Variants in OTOA observed in about 807,000 individuals in gnomAD.
The protein encoded by OTOA is cancer/testis antigen 108.
Under a neutral mutation model 110.8 loss-of-function variants are expected in OTOA, and 70 were observed. The ratio of observed to expected loss-of-function variants is 0.63; its 90% CI spans 0.52 to 0.77. The LOEUF (loss-of-function observed/expected upper bound fraction) is 0.77, where lower values mean the gene tolerates loss of function less well. OTOA is among the 30% of genes least tolerant of loss of function. The pLI is 0.00. For synonymous variants in OTOA, 373 were observed against 431.5 expected (o/e 0.86, Z 1.68); for missense variants, 917 against 1,075.8 (o/e 0.85, Z 2.06).
intron 5 of OTOA, among the ~76,000 whole-genome samples, chr16:21,680,933 T>A (rs1447513802): frequency 6.6e-6 from 1 of 152,012 alleles, no homozygotes; most frequent in South Asian, 2.1e-4. Context: ...AATTTTCATG[T>A]GTGAACAAAT....
intron 13 of OTOA, among the ~76,000 whole-genome samples, chr16:21,714,248 CTTTTTTCT>C (rs1380390391): frequency 5.6e-5 from 5 of 88,504 alleles, no homozygotes; most frequent in Non-Finnish European, 9.1e-5. Context: ...TCCTTTCTTT[CTTTTTTCT>C]TTCTTTCTTT....
chr16:21,712,249 C>T (rs1898379296), intron 13 of OTOA, among the ~76,000 whole-genome samples: 1 of 151,842 alleles, frequency 6.6e-6, no homozygotes, highest in African/African-American at 2.4e-5. Context: ...ATTACTTGAA[C>T]CCAGGAGGCA....
At chr16:21,707,201 C>T (rs140407783) in intron 12 of OTOA, among the ~76,000 whole-genome samples, 8 of 151,802 alleles carry the variant, frequency 5.3e-5, no homozygotes, top group Admixed American at 6.6e-5. Flanking sequence ...GAAAAGAATC[C>T]GTCCTAAGCA....
chr16:21,704,997 C>T (rs774541993), intron 11 of OTOA, 172 bp from the exon 12 acceptor site: 2 of 1,038,812 alleles, frequency 1.9e-6, no homozygotes, highest in African/African-American at 3.1e-5. Flanking sequence ...CAGTTAGGTT[C>T]CGCCTGTGGT....
At chr16:21,719,009 C>T in intron 15 of OTOA, 124 bp from the exon 16 acceptor site, 1 of 948,510 alleles carries the variant, frequency 1.1e-6, no homozygotes, top group Non-Finnish European at 1.7e-6. Flanking sequence ...ACTCACATAG[C>T]CTGTTAAGCC....
intron 12 of OTOA, among the ~76,000 whole-genome samples, chr16:21,707,625 C>CTTTCTTTCTTTCTTTCT (rs1555499026): frequency 3.9e-4 from 37 of 95,492 alleles, no homozygotes; most frequent in African/African-American, 1.1e-3. Flanking sequence ...TTCTTTCTTT[C>CTTTCTTTCTTTCTTTCT]TTTCTTTCTT....
In OTOA at chr16:21,714,336, T is replaced by TTCCTTCCTTC. The variant is rs1567384267; in HGVS notation, c.1321-649_1321-648insTCCTTCCTTC. ...TCCTTCCTTCCTTCCTTCCTTCCTT[T>TTCCTTCCTTC]CTTTCTTTCTTTCTTTCCTTCTCTC... On this transcript the variant is annotated intron_variant, in intron 13 of 28. Transcript: ENST00000646100. 7.4e-3 allele frequency among the ~76,000 whole-genome samples: 451 copies of TTCCTTCCTTC among 61,248 alleles called. 3 individuals are homozygous for TTCCTTCCTTC. Among genetic ancestry groups the TTCCTTCCTTC allele is most frequent in the Admixed American group, 1.0e-2 (59 of 5,928 alleles). The allele number at this position is 61,248 out of a possible 152,430, so 40.2% of individuals were successfully genotyped here. A position where few individuals can be genotyped will look rare whatever the true frequency, so the allele number is the denominator to read the frequency against.
At chr16:21,717,129 T>G in intron 15 of OTOA, 82 bp downstream of exon 15, 1 of 1,569,106 alleles carries the variant, frequency 6.4e-7, no homozygotes, top group African/African-American at 1.4e-5. Context: ...AAGGTTAATT[T>G]GATAAAAGAA....
intron 1 of OTOA, among the ~76,000 whole-genome samples, chr16:21,675,052 G>C (rs1966854513): frequency 1.4e-5 from 2 of 140,474 alleles, no homozygotes; most frequent in East Asian, 4.3e-4. Context: ...ATGAGGTCAT[G>C]TTTTCTTTCT....
In OTOA at chr16:21,728,340, T is replaced by A; in HGVS notation, c.2116T>A (p.Trp706Arg). ...IIDRGISPRAWATALHGLRDC... is the reference protein window; with the variant it reads ...IIDRGISPRARATALHGLRDC... ...CGACAGGGGGATCTCCCCCAGGGCT[T>A]GGGCGACTGCTCTACACGGCCTCAG... is the stretch of plus-strand genomic sequence containing the variant. Residue 706 changes from tryptophan (W) to arginine (R), a missense_variant, in exon 20 of 29, where the codon TGG (tryptophan) becomes AGG (arginine). Around this residue, in one of 6 missense-constraint regions of OTOA, gnomAD observed 840 missense variants for 910.2 expected, o/e 0.92. Coordinates refer to ENST00000646100, the MANE Select transcript of OTOA (RefSeq NM_144672.4). The A allele has an allele frequency of 6.2e-7, 1 of 1,614,046 alleles. No individual in the cohort carries two copies. Among genetic ancestry groups the A allele is most frequent in the African/African-American group, 1.3e-5 (1 of 75,014 alleles).
At chr16:21,722,866 C>T (rs1898800146) in intron 17 of OTOA, 39 bp from the exon 18 acceptor site, 10 of 1,570,850 alleles carry the variant, frequency 6.4e-6, no homozygotes, top group Non-Finnish European at 8.8e-6. Context: ...TGTTCTTCTT[C>T]TTACTGCATT....
Position 21,691,661 on chromosome 16 carries a change from T to C in OTOA, c.713T>C (p.Ile238Thr). Residue 238 changes from isoleucine (I) to threonine (T), a missense_variant, in exon 9 of 29, where the codon ATA (isoleucine) becomes ACA (threonine). Transcript: ENST00000646100. ...GCTCTCTATTCCTGGATGACTGGAA[T>C]ACTGCAGACATCCTCCAATGCCACT... ...QRALYSWMTG[I>T]LQTSSNATDD... 1.9e-6 allele frequency: 3 copies of C among 1,613,928 alleles called. No homozygotes were observed. Among genetic ancestry groups the C allele is most frequent in the Non-Finnish European group, 2.5e-6 (3 of 1,179,876 alleles).
chr16:21,682,057 A>G (rs1966901330), intron 6 of OTOA, among the ~76,000 whole-genome samples: 1 of 152,226 alleles, frequency 6.6e-6, no homozygotes. Context: ...GAGCTGCTAT[A>G]ACAAAAAGAC....
intron 5 of OTOA, among the ~76,000 whole-genome samples, chr16:21,680,077 T>C (rs1966876906): frequency 1.3e-5 from 2 of 152,174 alleles, no homozygotes; most frequent in Admixed American, 6.5e-5. Flanking sequence ...GATACCCAGT[T>C]ATGTTAAAGT....
chr16:21,671,749 ATT>A (rs1008531025), intron 1 of OTOA, among the ~76,000 whole-genome samples: 22 of 152,184 alleles, frequency 1.4e-4, no homozygotes, highest in African/African-American at 5.3e-4. Context: ...TGAGGTATAA[ATT>A]TACAGGCAAT....
intron 17 of OTOA, among the ~76,000 whole-genome samples, chr16:21,720,048 TG>T (rs1898681413): frequency 1.3e-5 from 2 of 151,822 alleles, no homozygotes; most frequent in Non-Finnish European, 1.5e-5. Context: ...CTCAACCTCC[TG>T]GGCTCAAGAG....
In OTOA at chr16:21,695,889, A is replaced by AT. The variant is rs1213474615; in HGVS notation, c.740-1885dup. Among the ~76,000 whole-genome samples the AT allele has an allele frequency of 8.6e-4, 55 of 63,628 alleles. 1 individual carries two copies. The highest frequency in any genetic ancestry group is 1.9e-3 in the South Asian group (3 of 1,598). The allele number at this position is 63,628 out of a possible 152,430, so 41.7% of individuals were successfully genotyped here. A position where few individuals can be genotyped will look rare whatever the true frequency, so the allele number is the denominator to read the frequency against. On this transcript the variant is annotated intron_variant, in intron 9 of 28. Transcript: ENST00000646100. The stretch of plus-strand genomic sequence containing the variant: ...GAGATATATATATATATATATATAT[A>AT]TATTTTTTTTTTTTTTTTTTTCTGA...
chr16:21,721,472 T>C, intron 17 of OTOA: 1 of 456,034 alleles, frequency 2.2e-6, no homozygotes, highest in South Asian at 1.5e-5. Flanking sequence ...CTACAATGCG[T>C]AGGACAGCAC....
intron 12 of OTOA, 111 bp downstream of exon 12, chr16:21,705,403 G>C: frequency 1.3e-6 from 2 of 1,546,316 alleles, no homozygotes; most frequent in South Asian, 2.3e-5. Context: ...CATTAGTCGG[G>C]ATTTAAGTCC....
Sources: allele counts gnomAD v4.1 joint callset (sites outside exome capture counted in the v4.1 genomes callset), GRCh38; gene constraint gnomAD v4.1.1; regional missense constraint gnomAD v4.1.1; transcripts MANE v1.5; gene names NCBI Gene and HGNC (gene_info 2026-07-23, HGNC 2026-07-21).